ZNF423: variants seen among roughly 807,000 people sequenced by gnomAD.
ZNF423 encodes Ebf-associated zinc finger protein.
ZNF423 carries 12 observed loss-of-function variants against 95.8 expected under a neutral mutation model. The observed-to-expected ratio is 0.13, with a 90% confidence interval of 0.08 to 0.20. ZNF423 has a LOEUF of 0.20. Ranked by LOEUF, ZNF423 falls within the 10% of genes least tolerant of loss-of-function variation. The pLI is 1.00. For missense variants in ZNF423, 1,316 were observed against 1,737.1 expected (o/e 0.76, Z 4.31); for synonymous variants, 749 against 711.9 (o/e 1.05, Z -0.83).
chr16:49,545,699 G>T (rs1969414049), intron 5 of ZNF423, among the ~76,000 whole-genome samples: 1 of 152,216 alleles, frequency 6.6e-6, no homozygotes, highest in African/African-American at 2.4e-5. Flanking sequence ...GTATTTGCCT[G>T]TGCTGAGCCA....
intron 7 of ZNF423, among the ~76,000 whole-genome samples, chr16:49,511,230 G>A (rs1967884464): frequency 6.6e-6 from 1 of 152,210 alleles, no homozygotes; most frequent in South Asian, 2.1e-4. Context: ...GGGCTGTCCA[G>A]ACCAGCGACA....
intron 3 of ZNF423, among the ~76,000 whole-genome samples, chr16:49,658,815 C>G (rs2030036803): frequency 1.3e-5 from 2 of 152,192 alleles, no homozygotes; most frequent in South Asian, 4.1e-4. Context: ...TGTGGGTCCC[C>G]CACCCTTTCC....
At chr16:49,801,050 G>A (rs905652232) in intron 1 of ZNF423, among the ~76,000 whole-genome samples, 6 of 152,244 alleles carry the variant, frequency 3.9e-5, no homozygotes, top group African/African-American at 1.4e-4. Flanking sequence ...AGACAACATC[G>A]CAAAGGCAGG....
At chr16:49,530,087 A>G (rs1968784127) in intron 5 of ZNF423, among the ~76,000 whole-genome samples, 1 of 152,036 alleles carries the variant, frequency 6.6e-6, no homozygotes, top group Non-Finnish European at 1.5e-5. Flanking sequence ...TAGTTCCACC[A>G]CTCACTCGCT....
rs764622903 is a variant in ZNF423, at chr16:49,638,500, A to T, written c.676T>A (p.Ser226Thr). The T allele has an allele frequency of 6.2e-7, 1 of 1,613,580 alleles. No individual in the cohort carries two copies. The highest frequency in any genetic ancestry group is 1.1e-5 in the South Asian group (1 of 91,064). ...ACAGTGCACTTGAAGGGCTTGCTGGAGCTGTGGGTCTTCAGGTGGATCTTG... is the reference window on the plus strand; with the variant it reads ...ACAGTGCACTTGAAGGGCTTGCTGGTGCTGTGGGTCTTCAGGTGGATCTTG... ...HLKIHLKTHS[S>T]SKPFKCTVCK... The change falls in exon 4 of 8, where the codon TCC (serine) becomes ACC (threonine). Residue 226 changes from serine (S) to threonine (T), a missense_variant. Physicochemically the swap from Ser to Thr is moderately conservative, Grantham distance 58. Transcript: ENST00000563137. This position sits in a 1 kb window ranked among gnomAD's most constrained non-coding sequence, Gnocchi z 5.6.
At chr16:49,690,995 A>G in intron 3 of ZNF423, among the ~76,000 whole-genome samples, 1 of 152,244 alleles carries the variant, frequency 6.6e-6, no homozygotes, top group Non-Finnish European at 1.5e-5. Context: ...CCGGCAGCCC[A>G]TGGCTCCAGC....
chr16:49,745,462 G>A (rs2033501870), intron 2 of ZNF423, among the ~76,000 whole-genome samples: 1 of 152,214 alleles, frequency 6.6e-6, no homozygotes. Flanking sequence ...TTGAAGGCAT[G>A]GCAGGCAAGC....
At chr16:49,785,050 AT>A (rs1362407260) in intron 2 of ZNF423, among the ~76,000 whole-genome samples, 2 of 151,218 alleles carry the variant, frequency 1.3e-5, no homozygotes, top group Non-Finnish European at 2.9e-5. Flanking sequence ...CTTTTTTATT[AT>A]TTTTTTCTTT....
In ZNF423 at chr16:49,638,431, T is replaced by G. The variant is rs751459009; in HGVS notation, c.745A>C (p.Met249Leu). 5 of 1,613,826 alleles carry G rather than the reference T, an allele frequency of 3.1e-6. No homozygotes were observed. The East Asian group carries it at 1.1e-4, about 36-fold the overall frequency. Residue 249 changes from methionine (M) to leucine (L), a missense_variant, in exon 4 of 8, where the codon ATG (methionine) becomes CTG (leucine). Around this residue, in one of 6 missense-constraint regions of ZNF423, gnomAD observed 399 missense variants for 478.5 expected, o/e 0.83. Transcript: ENST00000563137. This position sits in a 1 kb window ranked among gnomAD's most constrained non-coding sequence, Gnocchi z 5.6. ...FSSTSSLQSHMQAHKKNKEHL... is the reference protein window; with the variant it reads ...FSSTSSLQSHLQAHKKNKEHL... The stretch of plus-strand genomic sequence containing the variant: ...TCCTTGTTCTTTTTGTGGGCCTGCA[T>G]GTGGCTCTGCAGCGAGCTGGTGGAG...
chr16:49,737,736 G>A (rs963244402), intron 2 of ZNF423, among the ~76,000 whole-genome samples: 2 of 152,204 alleles, frequency 1.3e-5, no homozygotes, highest in Admixed American at 6.5e-5. Context: ...TACCTTCCCA[G>A]CAGGGCTTCG....
At chr16:49,752,153 A>G (rs2033644005) in intron 2 of ZNF423, among the ~76,000 whole-genome samples, 1 of 152,256 alleles carries the variant, frequency 6.6e-6, no homozygotes. Context: ...CTACCTCAGG[A>G]ATCAAAGAAT....
intron 1 of ZNF423, among the ~76,000 whole-genome samples, chr16:49,799,531 G>C (rs374165452): frequency 3.9e-5 from 6 of 152,144 alleles, no homozygotes; most frequent in African/African-American, 1.2e-4. Flanking sequence ...ATTTGGAGGT[G>C]ACAGCCAAGG....
At chr16:49,722,256 G>A (rs567705472) in intron 3 of ZNF423, among the ~76,000 whole-genome samples, 20 of 152,294 alleles carry the variant, frequency 1.3e-4, no homozygotes, top group East Asian at 7.7e-4. Context: ...CAGGCTGGCC[G>A]GTGGTCCACC....
chr16:49,814,085 G>A (rs761935409), intron 1 of ZNF423, among the ~76,000 whole-genome samples: 2 of 152,230 alleles, frequency 1.3e-5, no homozygotes, highest in Non-Finnish European at 2.9e-5. Flanking sequence ...AAGGCGTGAG[G>A]TCGAAGGCTG....
intron 2 of ZNF423, among the ~76,000 whole-genome samples, chr16:49,751,185 C>T (rs36107265): frequency 0.088 from 13,428 of 152,136 alleles, 632 homozygotes; most frequent in Middle Eastern, 0.14. Flanking sequence ...TGACAGCCTC[C>T]GTACTTTAAA....
chr16:49,839,576 G>A (rs1439265141), intron 1 of ZNF423, among the ~76,000 whole-genome samples: 10 of 152,186 alleles, frequency 6.6e-5, no homozygotes, highest in Admixed American at 5.2e-4. Flanking sequence ...GCGGAGGAGC[G>A]GGACATGACA....
chr16:49,584,237 C>G (rs1352460827), intron 5 of ZNF423, among the ~76,000 whole-genome samples: 1 of 152,154 alleles, frequency 6.6e-6, no homozygotes, highest in East Asian at 1.9e-4. Context: ...CCTCCCACAG[C>G]CCCCATCGTG....
chr16:49,642,204 G>C (rs1972997306), intron 3 of ZNF423, among the ~76,000 whole-genome samples: 1 of 152,176 alleles, frequency 6.6e-6, no homozygotes, highest in African/African-American at 2.4e-5. Context: ...GCTGTCTGCA[G>C]TAACATTCCC....
intron 2 of ZNF423, among the ~76,000 whole-genome samples, chr16:49,745,042 C>T (rs2033493633): frequency 6.6e-6 from 1 of 152,064 alleles, no homozygotes; most frequent in African/African-American, 2.4e-5. Context: ...TAACTTGTCA[C>T]TTTTAATCAG....
Sources: allele counts gnomAD v4.1 joint callset (sites outside exome capture counted in the v4.1 genomes callset), GRCh38; gene constraint gnomAD v4.1.1; regional missense constraint gnomAD v4.1.1; non-coding constraint Gnocchi (gnomAD v3.1); transcripts MANE v1.5; gene names NCBI Gene and HGNC (gene_info 2026-07-23, HGNC 2026-07-21).